GRID2: variants seen among roughly 807,000 people sequenced by gnomAD.
GRID2 encodes the protein glutamate ionotropic receptor delta type subunit 2.
Under a neutral mutation model 114.8 loss-of-function variants are expected in GRID2, and 33 were observed. The ratio of observed to expected loss-of-function variants is 0.29; its 90% confidence interval spans 0.22 to 0.38. GRID2 has a LOEUF of 0.38. Among genes scored for constraint, GRID2 ranks in the 10% least tolerant of loss-of-function variants. The probability of loss-of-function intolerance (pLI) is 1.00; values close to 1 mark genes in which losing one functional copy is unlikely to be tolerated. For synonymous variants in GRID2, 505 were observed against 449.9 expected, an observed-to-expected ratio of 1.12 and a Z score of -1.55; for missense variants, 1,184 against 1,257.7, an observed-to-expected ratio of 0.94 and a Z score of 0.89.
rs1734281685 is a variant in GRID2, at chr4:93,774,066, G to A, written c.*1568G>A. On this transcript the variant is annotated 3_prime_UTR_variant, in exon 16 of 16. Coordinates refer to ENST00000282020, the MANE Select transcript of GRID2 (RefSeq NM_001510.4). ...CATTCTGTGGCTAGGATTGATATAG[G>A]AATCAACCTATGTGATTTGCTTTAG... The A allele has an allele frequency of 6.6e-6, 1 of 152,028 alleles. No individual in the cohort carries two copies. Among genetic ancestry groups the A allele is most frequent in the African/African-American group, 2.4e-5 (1 of 41,442 alleles). 9.4% of individuals were successfully genotyped at this position (152,028 alleles called of 1,614,324 possible).
intron 2 of GRID2, among the ~76,000 whole-genome samples, chr4:92,736,327 T>C (rs1736596631): frequency 6.6e-6 from 1 of 152,040 alleles, no homozygotes; most frequent in African/African-American, 2.4e-5. Flanking sequence ...CCAGAAGAAA[T>C]ACAGCCCTAA....
chr4:93,530,189 G>C (rs1014924082), intron 13 of GRID2, among the ~76,000 whole-genome samples: 1 of 151,902 alleles, frequency 6.6e-6, no homozygotes. Flanking sequence ...TAACTAATTG[G>C]CCCCCTCCTG....
chr4:92,564,151 G>T (rs1344596767), intron 1 of GRID2, among the ~76,000 whole-genome samples: 1 of 151,860 alleles, frequency 6.6e-6, no homozygotes, highest in African/African-American at 2.4e-5. Context: ...TACACCAAAT[G>T]AAATAAGAAA....
chr4:93,271,178 C>G (rs937843154), intron 8 of GRID2, among the ~76,000 whole-genome samples: 2 of 152,200 alleles, frequency 1.3e-5, no homozygotes, highest in African/African-American at 4.8e-5. Context: ...TTCTGAAGCA[C>G]GTAGACATAT....
At chr4:93,275,118 C>T (rs1324419296) in intron 8 of GRID2, among the ~76,000 whole-genome samples, 1 of 151,878 alleles carries the variant, frequency 6.6e-6, no homozygotes, top group Non-Finnish European at 1.5e-5. Flanking sequence ...CTTTATCTTT[C>T]TATGAATTTG....
intron 4 of GRID2, among the ~76,000 whole-genome samples, chr4:93,162,976 T>C (rs560396421): frequency 1.3e-5 from 2 of 152,148 alleles, no homozygotes; most frequent in Admixed American, 1.3e-4. Context: ...TAGAGCATAA[T>C]AGTTTTAGCA....
At chr4:92,665,957 C>T (rs1465353652) in intron 2 of GRID2, among the ~76,000 whole-genome samples, 1 of 151,380 alleles carries the variant, frequency 6.6e-6, no homozygotes, top group Non-Finnish European at 1.5e-5. Flanking sequence ...ATATTCCTGT[C>T]TTTCCTCAAA....
chr4:92,943,514 A>G (rs1010266437), intron 2 of GRID2, among the ~76,000 whole-genome samples: 3 of 151,900 alleles, frequency 2.0e-5, no homozygotes, highest in African/African-American at 7.3e-5. Flanking sequence ...CTTCTTTGCC[A>G]TGGGTTCGAA....
intron 1 of GRID2, among the ~76,000 whole-genome samples, chr4:92,445,895 T>A (rs1733433574): frequency 6.6e-6 from 1 of 152,234 alleles, no homozygotes; most frequent in African/African-American, 2.4e-5. Flanking sequence ...CATTTTTAAT[T>A]TTTTCTAATG....
intron 13 of GRID2, among the ~76,000 whole-genome samples, chr4:93,522,234 AACCAAAGTCATC>A (rs1296684831): frequency 6.6e-6 from 1 of 152,114 alleles, no homozygotes; most frequent in African/African-American, 2.4e-5. Context: ...ATTATATTTA[AACCAAAGTCATC>A]ACCAAAGTGT....
chr4:92,917,493 G>A (rs1462150011), intron 2 of GRID2, among the ~76,000 whole-genome samples: 3 of 152,070 alleles, frequency 2.0e-5, no homozygotes, highest in Non-Finnish European at 4.4e-5. Flanking sequence ...TATGGTTTTA[G>A]GTCTAACGTT....
chr4:93,564,489 A>G (rs1394462989), intron 13 of GRID2, among the ~76,000 whole-genome samples: 1 of 152,014 alleles, frequency 6.6e-6, no homozygotes, highest in African/African-American at 2.4e-5. Flanking sequence ...AAGTAGTATG[A>G]CATTTGGCAA....
At chr4:92,358,172 A>G (rs546286825) in intron 1 of GRID2, among the ~76,000 whole-genome samples, 1 of 151,670 alleles carries the variant, frequency 6.6e-6, no homozygotes, top group South Asian at 2.1e-4. Context: ...TCTGTCTGGG[A>G]TGCCTAGAGC....
At chr4:93,512,772 A>T (rs1416901173) in intron 12 of GRID2, among the ~76,000 whole-genome samples, 1 of 152,220 alleles carries the variant, frequency 6.6e-6, no homozygotes, top group Non-Finnish European at 1.5e-5. Context: ...CATTGTGTAC[A>T]AAACAACTTC....
At chr4:92,786,657 G>A (rs2149361787) in intron 2 of GRID2, among the ~76,000 whole-genome samples, 1 of 151,970 alleles carries the variant, frequency 6.6e-6, no homozygotes, top group Non-Finnish European at 1.5e-5. Context: ...TGCTGGCAAT[G>A]TTAAAATACA....
At chr4:93,765,196 T>C (rs937435402) in intron 14 of GRID2, among the ~76,000 whole-genome samples, 2 of 152,190 alleles carry the variant, frequency 1.3e-5, no homozygotes, top group Non-Finnish European at 2.9e-5. Flanking sequence ...GAGACCATTC[T>C]GATGGAATTT....
intron 1 of GRID2, among the ~76,000 whole-genome samples, chr4:92,316,934 G>T (rs1726015259): frequency 6.6e-6 from 1 of 152,100 alleles, no homozygotes; most frequent in Admixed American, 6.6e-5. Flanking sequence ...ATCTAAGGAA[G>T]AATTTTTTAT....
intron 1 of GRID2, among the ~76,000 whole-genome samples, chr4:92,514,783 A>G (rs1724424191): frequency 6.6e-6 from 1 of 151,690 alleles, no homozygotes; most frequent in South Asian, 2.1e-4. Context: ...CTATTTGTAA[A>G]ACTCAGCTCT....
At chr4:93,485,257 T>A (rs1160358801) in intron 11 of GRID2, among the ~76,000 whole-genome samples, 1 of 151,838 alleles carries the variant, frequency 6.6e-6, no homozygotes, top group Non-Finnish European at 1.5e-5. Flanking sequence ...TCTCATTTAT[T>A]CTTATAGATT....
Sources: gnomAD v4.1 joint callset for allele counts (sites outside exome capture counted in the v4.1 genomes callset) on GRCh38, gnomAD v4.1.1 for gene constraint, MANE v1.5 for transcripts, NCBI Gene and HGNC (gene_info 2026-07-23, HGNC 2026-07-21) for gene names.